CC2D2B: variants seen among roughly 807,000 people sequenced by gnomAD.
CC2D2B encodes coiled-coil and C2 domain containing 2B.
In CC2D2B, 128 loss-of-function variants were observed where a neutral mutation model predicts 161.2. The ratio of observed to expected loss-of-function variants is 0.79; its 90% CI spans 0.69 to 0.92. The LOEUF is 0.92. Ranked by LOEUF, CC2D2B falls within the 40% of genes least tolerant of loss-of-function variation. CC2D2B has a pLI of 0.00. For missense variants in CC2D2B, 1,173 were observed against 1,375.1 expected (o/e 0.85, Z 2.32); for synonymous variants, 391 against 449.8 (o/e 0.87, Z 1.65).
chr10:96,011,870 C>G (rs1373720850), intron 26 of CC2D2B, among the ~76,000 whole-genome samples: 1 of 152,118 alleles, frequency 6.6e-6, no homozygotes, highest in Admixed American at 6.6e-5. Flanking sequence ...GATCTTTTAA[C>G]TTCTTCTCTG....
chr10:96,026,556 G>T (rs909436807), intron 33 of CC2D2B, among the ~76,000 whole-genome samples: 2 of 152,148 alleles, frequency 1.3e-5, no homozygotes, highest in African/African-American at 4.8e-5. Flanking sequence ...CAAGTCAAGG[G>T]AGGGTCTTGA....
chr10:95,958,282 A>G (rs1034404128), intron 11 of CC2D2B, among the ~76,000 whole-genome samples: 9 of 152,210 alleles, frequency 5.9e-5, no homozygotes, highest in Non-Finnish European at 4.4e-5. Context: ...TCTTGAGGCC[A>G]GGAGTTCAAG....
chr10:95,993,412 CTCTG>C (rs2078031132), intron 22 of CC2D2B, among the ~76,000 whole-genome samples: 1 of 152,118 alleles, frequency 6.6e-6, no homozygotes, highest in East Asian at 1.9e-4. Context: ...AGGCATTCCC[CTCTG>C]TCTGTGTTCA....
intron 6 of CC2D2B, among the ~76,000 whole-genome samples, chr10:95,932,800 G>T (rs1391856275): frequency 6.6e-6 from 1 of 152,038 alleles, no homozygotes; most frequent in African/African-American, 2.4e-5. Context: ...TTTCTCTCTG[G>T]CTGCCCTTAA....
chr10:96,010,166 A>G (rs1325500805), intron 26 of CC2D2B, among the ~76,000 whole-genome samples: 3 of 152,204 alleles, frequency 2.0e-5, no homozygotes, highest in African/African-American at 7.2e-5. Flanking sequence ...CAACATTTGT[A>G]TTTGCATATA....
At chr10:95,958,882 A>C (rs79811414) in intron 11 of CC2D2B, among the ~76,000 whole-genome samples, 5,558 of 152,216 alleles carry the variant, frequency 0.037, 137 homozygotes, top group South Asian at 0.079. Context: ...AACAGAAATT[A>C]ATAATAAAAC....
chr10:95,980,683 C>T (rs577725972), intron 17 of CC2D2B, among the ~76,000 whole-genome samples: 2 of 152,234 alleles, frequency 1.3e-5, no homozygotes, highest in East Asian at 3.9e-4. Context: ...CGTAATTTTC[C>T]TTACATCTTA....
In CC2D2B at chr10:95,992,642, C is replaced by G; in HGVS notation, c.2587C>G (p.Leu863Val). ...QAISDGDIKI[L>V]VRIVRAYNIP... ...GATCTCTGACGGAGATATTAAGATT[C>G]TTGTCCGAATAGTGAGGGCCTATAA... The change falls in exon 22 of 35, where the codon CTT becomes GTT. Residue 863 changes from leucine to valine, a missense_variant. This residue lies in a region of CC2D2B where 598 missense variants were observed against 693.2 expected (regional missense o/e 0.86). Transcript: ENST00000646931. 3 of 1,234,216 alleles carry G rather than the reference C, an allele frequency of 2.4e-6. No homozygotes were observed. Among genetic ancestry groups the G allele is most frequent in the Non-Finnish European group, 3.0e-6 (3 of 988,068 alleles). The allele number at this position is 1,234,216 out of a possible 1,614,324, so 76.5% of individuals were successfully genotyped here. A position where few individuals can be genotyped will look rare whatever the true frequency, so the allele number is the denominator to read the frequency against.
chr10:96,031,745 G>T, intron 34 of CC2D2B, 75 bp from the exon 35 acceptor site: 1 of 1,284,688 alleles, frequency 7.8e-7, no homozygotes, highest in Non-Finnish European at 1.1e-6. Flanking sequence ...AGGCTTTTGT[G>T]ATCTTTTTGC....
Position 95,968,032 on chromosome 10 carries a change from A to T in CC2D2B, c.1467-692A>T, listed in dbSNP as rs572770646. 2.6e-5 allele frequency among the ~76,000 whole-genome samples: 4 copies of T among 152,340 alleles called. No homozygotes were observed. In the South Asian group the frequency reaches 8.3e-4, roughly 32 times the overall value. The stretch of plus-strand genomic sequence containing the variant: ...CAATAAACATTGGTTGAGTGAATTA[A>T]ACAACGAATGAAAGACTCTAGGAGT... On this transcript the variant is annotated intron_variant, in intron 14 of 34. Transcript: ENST00000646931.
intron 3 of CC2D2B, among the ~76,000 whole-genome samples, chr10:95,923,692 A>T (rs1211675649): frequency 6.6e-6 from 1 of 152,078 alleles, no homozygotes; most frequent in African/African-American, 2.4e-5. Flanking sequence ...GGTGACAGAG[A>T]CCTACTATGT....
At chr10:95,960,124 A>G (rs965179286) in intron 11 of CC2D2B, among the ~76,000 whole-genome samples, 8 of 152,194 alleles carry the variant, frequency 5.3e-5, no homozygotes, top group African/African-American at 1.9e-4. Flanking sequence ...CAGTTTTCTT[A>G]AGTAAGTTGG....
chr10:95,965,849 T>A, intron 12 of CC2D2B, 47 bp from the exon 13 acceptor site: 1 of 632,918 alleles, frequency 1.6e-6, no homozygotes, highest in Non-Finnish European at 2.2e-6. Context: ...AACTCTCAAA[T>A]ACCTCCATTA....
In CC2D2B at chr10:95,935,011, C is replaced by T. The variant is rs185106323; in HGVS notation, c.337-2980C>T. Among the ~76,000 whole-genome samples, 756 of 152,220 alleles carry T rather than the reference C, an allele frequency of 5.0e-3. 7 individuals carry two copies. Among genetic ancestry groups the T allele is most frequent in the African/African-American group, 0.017 (713 of 41,504 alleles). ...TCAGCCTCCCGAGTAGCTAGGATTA[C>T]AGGAATGTGCCACTACACCTGGCTA... On this transcript the variant is annotated intron_variant, in intron 6 of 34. Coordinates refer to ENST00000646931, the MANE Select transcript of CC2D2B (RefSeq NM_001349008.3).
chr10:95,993,551 G>A (rs1019899134), intron 22 of CC2D2B, among the ~76,000 whole-genome samples: 2 of 151,822 alleles, frequency 1.3e-5, no homozygotes, highest in Non-Finnish European at 2.9e-5. Flanking sequence ...TTTTGCCAGT[G>A]TCTTACAAAT....
intron 11 of CC2D2B, 148 bp downstream of exon 11, chr10:95,955,639 C>G: frequency 2.6e-6 from 1 of 389,812 alleles, no homozygotes; most frequent in Non-Finnish European, 4.5e-6. Context: ...TTTTAAGACC[C>G]ACGTTTGTGT....
chr10:96,009,697 C>A (rs2078904057), intron 25 of CC2D2B, 128 bp from the exon 26 acceptor site: 2 of 473,698 alleles, frequency 4.2e-6, no homozygotes, highest in South Asian at 5.4e-5. Context: ...AAAAACAGAT[C>A]TTTTCTATTT....
chr10:96,025,152 AAAATATATATAT>A (rs1200799325), intron 33 of CC2D2B, among the ~76,000 whole-genome samples: 11 of 25,138 alleles, frequency 4.4e-4, no homozygotes, highest in African/African-American at 1.9e-3. Context: ...CTACTAAAAA[AAAATATATATAT>A]ATATATATAT....
intron 27 of CC2D2B, 48 bp downstream of exon 27, chr10:96,012,415 G>C (rs1479627336): frequency 5.5e-6 from 4 of 733,724 alleles, no homozygotes; most frequent in African/African-American, 1.8e-5. Flanking sequence ...AAAGAGGTAT[G>C]AACTATTTTA....
Sources: allele counts gnomAD v4.1 joint callset (sites outside exome capture counted in the v4.1 genomes callset), GRCh38; gene constraint gnomAD v4.1.1; regional missense constraint gnomAD v4.1.1; transcripts MANE v1.5; gene names NCBI Gene and HGNC (gene_info 2026-07-23, HGNC 2026-07-21).